The following SUMF1 variants were observed in gnomAD, a reference collection of about 807,000 sequenced individuals.
SUMF1 encodes formylglycine-generating enzyme.
SUMF1 carries 48 observed loss-of-function variants against 47.6 expected under a neutral mutation model. That is an observed-to-expected ratio of 1.01 (90% confidence interval 0.80 to 1.28). SUMF1 has a LOEUF of 1.28. Ranked by LOEUF, SUMF1 falls within the 50% of genes most tolerant of loss-of-function variation. SUMF1 has a pLI of 0.00. For missense variants in SUMF1, 571 were observed against 485.4 expected (o/e 1.18, Z -1.66); for synonymous variants, 230 against 192.1 (o/e 1.20, Z -1.63).
intron 7 of SUMF1, among the ~76,000 whole-genome samples, chr3:4,399,048 T>C (rs1427508942): frequency 1.3e-5 from 2 of 150,990 alleles, no homozygotes; most frequent in African/African-American, 5.0e-5. Flanking sequence ...CAAGACCACA[T>C]CTTCTTTTTT....
rs148887643 is a variant in SUMF1 at position 4,175,282 on chromosome 3, G to C, written c.1015-106537C>G. On this transcript the variant is annotated intron_variant and NMD_transcript_variant, in intron 8 of 12. Transcript: ENST00000448413. ...CTAACTGGGAGACACCTCCCAGTTG[G>C]GGTCGACAGTCACCTCATACAGCCA... Among the ~76,000 whole-genome samples the C allele has an allele frequency of 2.9e-3, 436 of 152,198 alleles. 3 individuals carry two copies. The highest frequency in any genetic ancestry group is 9.7e-3 in the African/African-American group (404 of 41,518).
intron 3 of SUMF1, among the ~76,000 whole-genome samples, chr3:4,420,733 C>A (rs1438311478): frequency 6.6e-6 from 1 of 151,864 alleles, no homozygotes; most frequent in Non-Finnish European, 1.5e-5. Context: ...GCTAGCCAAT[C>A]CTCTATAATC....
intron 8 of SUMF1, among the ~76,000 whole-genome samples, chr3:4,170,656 A>C (rs958455845): frequency 2.0e-5 from 3 of 152,218 alleles, no homozygotes; most frequent in Admixed American, 2.0e-4. Context: ...GAAACAGAGT[A>C]GAGAGTCTGG....
At chr3:4,436,617 C>T (rs1393966226) in intron 3 of SUMF1, among the ~76,000 whole-genome samples, 2 of 151,046 alleles carry the variant, frequency 1.3e-5, no homozygotes, top group Admixed American at 6.6e-5. Flanking sequence ...AAAAAAACTT[C>T]CCAATGTATG....
chr3:4,322,026 G>T (rs1366188771), intron 8 of SUMF1, among the ~76,000 whole-genome samples: 7 of 152,124 alleles, frequency 4.6e-5, no homozygotes, highest in African/African-American at 1.7e-4. Flanking sequence ...GACTAATCAT[G>T]AGGAAAAGAA....
At chr3:4,234,735 G>A (rs951211609) in intron 8 of SUMF1, among the ~76,000 whole-genome samples, 2 of 152,102 alleles carry the variant, frequency 1.3e-5, no homozygotes, top group African/African-American at 4.8e-5. Context: ...TTCAGATGCA[G>A]AAGATGAGAA....
At chr3:4,344,436 C>T (rs1009071683) in intron 8 of SUMF1, among the ~76,000 whole-genome samples, 13 of 152,288 alleles carry the variant, frequency 8.5e-5, no homozygotes, top group Non-Finnish European at 1.8e-4. Context: ...AGCATCCCTA[C>T]AGAAGAGGGA....
chr3:4,463,278 T>A lies in SUMF1; in HGVS notation c.270+3698A>T, dbSNP rs59670530. ...AGGCAGAGGCAGGTGGATCACGAAGTCAAAAGATCGAGACAATCCTGGCCA... is the reference window on the plus strand; with the variant it reads ...AGGCAGAGGCAGGTGGATCACGAAGACAAAAGATCGAGACAATCCTGGCCA... On this transcript the variant is annotated intron_variant, in intron 1 of 8. Coordinates refer to ENST00000272902, the MANE Select transcript of SUMF1 (RefSeq NM_182760.4). 5.5e-3 allele frequency among the ~76,000 whole-genome samples: 831 copies of A among 152,208 alleles called. 12 individuals carry two copies. Among genetic ancestry groups the A allele is most frequent in the African/African-American group, 0.019 (799 of 41,512 alleles).
At chr3:4,214,880 G>A (rs920164794) in intron 8 of SUMF1, among the ~76,000 whole-genome samples, 1 of 152,052 alleles carries the variant, frequency 6.6e-6, no homozygotes, top group African/African-American at 2.4e-5. Context: ...CCAATAACAA[G>A]TTCTAAAATT....
At chr3:4,173,161 G>T (rs1205071281) in intron 8 of SUMF1, among the ~76,000 whole-genome samples, 2 of 152,150 alleles carry the variant, frequency 1.3e-5, no homozygotes, top group African/African-American at 4.8e-5. Context: ...TGAGATGGTT[G>T]TATATGTGTG....
chr3:4,087,587 T>C lies in SUMF1; in HGVS notation c.1015-18842A>G, dbSNP rs144983238. 5.5e-3 allele frequency among the ~76,000 whole-genome samples: 831 copies of C among 152,238 alleles called. 13 individuals carry two copies. Among genetic ancestry groups the C allele is most frequent in the African/African-American group, 0.019 (788 of 41,532 alleles). On this transcript the variant is annotated intron_variant and NMD_transcript_variant, in intron 8 of 12. Transcript: ENST00000448413. ...TAAAATAGTAAGAAGAATCACATTG[T>C]TTTAAAGTTTTAGAAGTCTCTTTAA...
intron 9 of SUMF1, among the ~76,000 whole-genome samples, chr3:4,059,952 T>A (rs1046151300): frequency 2.6e-5 from 4 of 151,998 alleles, no homozygotes; most frequent in African/African-American, 9.7e-5. Flanking sequence ...GACCACACAA[T>A]ACAGTTAAGG....
At chr3:4,104,851 T>C (rs896615996) in intron 8 of SUMF1, among the ~76,000 whole-genome samples, 7 of 152,064 alleles carry the variant, frequency 4.6e-5, no homozygotes, top group Admixed American at 6.6e-5. Flanking sequence ...TTTTACACCA[T>C]AAAATGCAGC....
At chr3:4,387,814 C>G (rs1700723025) in intron 7 of SUMF1, among the ~76,000 whole-genome samples, 2 of 152,168 alleles carry the variant, frequency 1.3e-5, no homozygotes, top group Admixed American at 1.3e-4. Context: ...CACCTTGGGA[C>G]TTCCCCTGTG....
At chr3:4,367,660 A>G (rs1274710370) in intron 8 of SUMF1, among the ~76,000 whole-genome samples, 1 of 152,190 alleles carries the variant, frequency 6.6e-6, no homozygotes, top group Non-Finnish European at 1.5e-5. Flanking sequence ...GGAACAGAAC[A>G]GAGCCCTCAG....
intron 8 of SUMF1, among the ~76,000 whole-genome samples, chr3:4,234,461 T>A (rs1335388649): frequency 6.6e-6 from 1 of 152,088 alleles, no homozygotes. Flanking sequence ...ACTCCCTATG[T>A]AGATGCTGGA....
At chr3:4,266,259 C>A (rs1697193154) in intron 8 of SUMF1, among the ~76,000 whole-genome samples, 1 of 152,138 alleles carries the variant, frequency 6.6e-6, no homozygotes, top group South Asian at 2.1e-4. Flanking sequence ...TTTTCCAATT[C>A]TGTGAAGAAA....
rs114025388 is a variant in SUMF1 at position 4,049,448 on chromosome 3, G to A, written c.1191+19121C>T. Among the ~76,000 whole-genome samples, 1,202 of 152,256 alleles carry A rather than the reference G, an allele frequency of 7.9e-3. 19 individuals carry two copies. The highest frequency in any genetic ancestry group is 0.026 in the African/African-American group (1,081 of 41,552). ...AATGACCACCACCACAACAGACTGC[G>A]TAGGAGAAAACACTGAGAAATTGAA... On this transcript the variant is annotated intron_variant and NMD_transcript_variant, in intron 9 of 12. Coordinates refer to the SUMF1 transcript ENST00000448413.
intron 7 of SUMF1, among the ~76,000 whole-genome samples, chr3:4,388,388 T>C (rs2124915594): frequency 6.6e-6 from 1 of 152,212 alleles, no homozygotes; most frequent in Middle Eastern, 3.4e-3. Context: ...ACTCTGACTT[T>C]CCTTTGATTA....
Sources: allele counts gnomAD v4.1 joint callset (sites outside exome capture counted in the v4.1 genomes callset), GRCh38; gene constraint gnomAD v4.1.1; transcripts MANE v1.5; gene names NCBI Gene and HGNC (gene_info 2026-07-23, HGNC 2026-07-21).